The following SRGAP3 variants were observed in gnomAD, a reference collection of about 807,000 sequenced individuals.
SRGAP3 encodes the protein SLIT-ROBO Rho GTPase-activating protein 3.
Under a neutral mutation model 121.1 loss-of-function variants are expected in SRGAP3, and 39 were observed. That is an observed-to-expected ratio of 0.32 (90% CI 0.25 to 0.42). The LOEUF is 0.42. SRGAP3 is among the 10% of genes least tolerant of loss of function. The pLI is 1.00. For missense variants in SRGAP3, 1,213 were observed against 1,470.6 expected (o/e 0.82, Z 2.86); for synonymous variants, 601 against 570.0 (o/e 1.05, Z -0.77).
At chr3:9,316,861 G>C (rs1285052074) in intron 3 of SRGAP3, among the ~76,000 whole-genome samples, 1 of 152,152 alleles carries the variant, frequency 6.6e-6, no homozygotes. Flanking sequence ...ATCTGAAGGC[G>C]GGAGAGGAGG....
At chr3:9,103,346 C>T (rs1484630986) in intron 3 of SRGAP3, among the ~76,000 whole-genome samples, 2 of 152,298 alleles carry the variant, frequency 1.3e-5, no homozygotes, top group East Asian at 3.9e-4. Flanking sequence ...CTTAAATTCG[C>T]ATAATAATAG....
intron 4 of SRGAP3, among the ~76,000 whole-genome samples, chr3:9,072,897 T>C (rs1277758279): frequency 6.6e-6 from 1 of 152,204 alleles, no homozygotes; most frequent in Non-Finnish European, 1.5e-5. Flanking sequence ...TACTGTACTG[T>C]TCTTCACCCC....
intron 3 of SRGAP3, among the ~76,000 whole-genome samples, chr3:9,291,448 G>A (rs748813682): frequency 2.0e-5 from 3 of 152,108 alleles, no homozygotes; most frequent in Non-Finnish European, 1.5e-5. Context: ...TTCCACCAAC[G>A]GGTCACAGGT....
At chr3:8,999,082 GTGTAT>G (rs1294884238) in intron 18 of SRGAP3, among the ~76,000 whole-genome samples, 2 of 152,248 alleles carry the variant, frequency 1.3e-5, no homozygotes, top group African/African-American at 4.8e-5. Context: ...TTCAACTCCT[GTGTAT>G]TGAGAGGCTA....
intron 11 of SRGAP3, chr3:9,033,522 C>A (rs770569044): frequency 1.3e-5 from 2 of 152,482 alleles, no homozygotes; most frequent in Non-Finnish European, 2.9e-5. Flanking sequence ...CTCCCAGGTT[C>A]AAGCGATTCT....
At chr3:9,198,975 G>A (rs1951990943) in intron 1 of SRGAP3, among the ~76,000 whole-genome samples, 1 of 152,156 alleles carries the variant, frequency 6.6e-6, no homozygotes, top group Non-Finnish European at 1.5e-5. Flanking sequence ...ACATTTTCCA[G>A]CACTTCTCGC....
chr3:9,277,884 T>C (rs1405397325), intron 3 of SRGAP3, among the ~76,000 whole-genome samples: 2 of 152,118 alleles, frequency 1.3e-5, no homozygotes, highest in Non-Finnish European at 2.9e-5. Flanking sequence ...GATAGGACCT[T>C]TGGGGAAAAG....
chr3:9,060,005 TG>T (rs1946057682), intron 6 of SRGAP3: 6 of 623,298 alleles, frequency 9.6e-6, no homozygotes, highest in Admixed American at 2.5e-5. Flanking sequence ...CCAACTGCAC[TG>T]GGGCCACCAG....
chr3:9,311,704 G>A (rs1463467710), intron 3 of SRGAP3, among the ~76,000 whole-genome samples: 1 of 152,154 alleles, frequency 6.6e-6, no homozygotes, highest in Non-Finnish European at 1.5e-5. Flanking sequence ...CTTACAGGCT[G>A]TATGAAAACA....
intron 2 of SRGAP3, among the ~76,000 whole-genome samples, chr3:9,106,486 T>C (rs1442433277): frequency 6.6e-6 from 1 of 152,206 alleles, no homozygotes; most frequent in Non-Finnish European, 1.5e-5. Flanking sequence ...TTAGCGTTTT[T>C]TGAGGAAGGC....
intron 18 of SRGAP3, among the ~76,000 whole-genome samples, chr3:9,000,124 G>A (rs1942663643): frequency 6.6e-6 from 1 of 152,300 alleles, no homozygotes; most frequent in African/African-American, 2.4e-5. Flanking sequence ...TCTAGTCACA[G>A]GGCTTTCTTC....
At chr3:9,326,937 T>C (rs559788813) in intron 2 of SRGAP3, among the ~76,000 whole-genome samples, 12 of 151,872 alleles carry the variant, frequency 7.9e-5, no homozygotes, top group African/African-American at 1.9e-4. Context: ...CCAATGAAGA[T>C]AGCATGAGGC....
intron 1 of SRGAP3, among the ~76,000 whole-genome samples, chr3:9,134,885 G>T (rs1055682608): frequency 6.6e-6 from 1 of 152,152 alleles, no homozygotes; most frequent in African/African-American, 2.4e-5. Context: ...CTGCCCGGTG[G>T]TTCAAATCCT....
At chr3:9,183,319 C>A (rs1049988716) in intron 1 of SRGAP3, among the ~76,000 whole-genome samples, 1 of 152,204 alleles carries the variant, frequency 6.6e-6, no homozygotes, top group Non-Finnish European at 1.5e-5. Context: ...AGTCTCACAT[C>A]CCTCTCCCTT....
Position 9,013,828 on chromosome 3 carries a change from C to T in SRGAP3, c.1828G>A (p.Ala610Thr), listed in dbSNP as rs1943492938. The T allele has an allele frequency of 1.9e-6, 3 of 1,614,198 alleles. No homozygotes were observed. Among genetic ancestry groups the T allele is most frequent in the Non-Finnish European group, 1.7e-6 (2 of 1,180,026 alleles). ...TGTTGGATCTGGTGCACCCTCTCGG[C>T]TGGGTTCTCCAGTTCTGTAACATAA... ...LISTIKLENP[A>T]ERVHQIQQIL... is the part of the protein sequence containing the mutation. The change falls in exon 16 of 22, where the codon GCC becomes ACC. Residue 610 changes from alanine to threonine, a missense_variant. Coordinates refer to ENST00000383836, the MANE Select transcript of SRGAP3 (RefSeq NM_014850.4).
At chr3:9,027,978 C>A (rs2125076669) in intron 12 of SRGAP3, 2 of 1,167,916 alleles carry the variant, frequency 1.7e-6, no homozygotes, top group East Asian at 4.7e-5. Context: ...TGACTGTGCC[C>A]AGGGACAGGA....
At chr3:9,253,008 T>C (rs971325327), upstream of SRGAP3, among the ~76,000 whole-genome samples, 49 of 152,216 alleles carry the variant, frequency 3.2e-4, no homozygotes, top group South Asian at 8.3e-4. Flanking sequence ...TAGCTAGTAT[T>C]TACCAAGTTC....
At chr3:9,308,885 T>G (rs1955199250) in intron 3 of SRGAP3, among the ~76,000 whole-genome samples, 1 of 152,136 alleles carries the variant, frequency 6.6e-6, no homozygotes, top group Non-Finnish European at 1.5e-5. Context: ...GCCCCACTCT[T>G]TCAATGGGTT....
chr3:9,049,748 T>A, intron 9 of SRGAP3, among the ~76,000 whole-genome samples: 1 of 151,556 alleles, frequency 6.6e-6, no homozygotes, highest in East Asian at 1.9e-4. Flanking sequence ...CAGTTGCCCA[T>A]CTTGGGAGAG....
Sources: allele counts gnomAD v4.1 joint callset (sites outside exome capture counted in the v4.1 genomes callset), GRCh38; gene constraint gnomAD v4.1.1; transcripts MANE v1.5; gene names NCBI Gene and HGNC (gene_info 2026-07-23, HGNC 2026-07-21).